The following GABPB2 variants were observed in gnomAD, a reference collection of about 807,000 sequenced individuals.
The protein encoded by GABPB2 is GA-binding protein subunit beta-2.
In GABPB2, 23 loss-of-function variants were observed where a neutral mutation model predicts 39.1. The observed-to-expected ratio is 0.59, with a 90% CI of 0.42 to 0.83. The LOEUF is 0.83. Ranked by LOEUF, GABPB2 falls within the 40% of genes least tolerant of loss-of-function variation. GABPB2 has a pLI of 0.00. For synonymous variants in GABPB2, 184 were observed against 199.3 expected (o/e 0.92, Z 0.65); for missense variants, 467 against 541.1 (o/e 0.86, Z 1.36).
At chr1:151,083,698 G>T (rs1677916318) in intron 1 of GABPB2, among the ~76,000 whole-genome samples, 1 of 150,252 alleles carries the variant, frequency 6.7e-6, no homozygotes, top group African/African-American at 2.4e-5. Context: ...TGTTCTCCTT[G>T]AAGTGGCAGC....
chr1:151,081,483 C>A (rs1169782234), intron 1 of GABPB2, among the ~76,000 whole-genome samples: 2 of 151,896 alleles, frequency 1.3e-5, no homozygotes, highest in Admixed American at 1.3e-4. Flanking sequence ...AGCAGCGAAA[C>A]CCTGTCTCAA....
intron 1 of GABPB2, among the ~76,000 whole-genome samples, chr1:151,073,585 T>C (rs1249611581): frequency 6.6e-6 from 1 of 152,096 alleles, no homozygotes; most frequent in Non-Finnish European, 1.5e-5. Context: ...TTGTTTTTTG[T>C]TGTTTTGTTT....
chr1:151,118,329 C>G lies in GABPB2; in HGVS notation c.*73C>G. On this transcript the variant is annotated 3_prime_UTR_variant, in exon 9 of 9. Coordinates refer to ENST00000368918, the MANE Select transcript of GABPB2 (RefSeq NM_144618.3). Reference sequence around the variant, plus strand: ...AAAAAGGAAATATACAGAAGACAAACATTGTATAAAAACTAAGAGTGTCTT... The same window carrying G: ...AAAAAGGAAATATACAGAAGACAAAGATTGTATAAAAACTAAGAGTGTCTT... The G allele has an allele frequency of 1.5e-6, 2 of 1,372,078 alleles. No homozygotes were observed. Among genetic ancestry groups the G allele is most frequent in the Admixed American group, 4.5e-5 (2 of 43,974 alleles). 85.0% of individuals were successfully genotyped at this position (1,372,078 alleles called of 1,614,324 possible).
At chr1:151,113,039 G>A (rs765500529) in intron 7 of GABPB2, among the ~76,000 whole-genome samples, 9 of 151,508 alleles carry the variant, frequency 5.9e-5, no homozygotes, top group Non-Finnish European at 1.3e-4. Context: ...AGCCCCTAAA[G>A]TGTTGGGATT....
At chr1:151,085,844 C>G (rs923204729) in intron 1 of GABPB2, among the ~76,000 whole-genome samples, 1 of 152,082 alleles carries the variant, frequency 6.6e-6, no homozygotes, top group Non-Finnish European at 1.5e-5. Flanking sequence ...TATTTTATGT[C>G]GGATAGGCAC....
chr1:151,095,360 A>G (rs1679024441), intron 4 of GABPB2, among the ~76,000 whole-genome samples: 1 of 152,208 alleles, frequency 6.6e-6, no homozygotes, highest in Admixed American at 6.6e-5. Context: ...GGGATGCTTT[A>G]CAGCGTGTGA....
At chr1:151,093,511 T>C in intron 4 of GABPB2, 125 bp downstream of exon 4, 1 of 635,694 alleles carries the variant, frequency 1.6e-6, no homozygotes, top group Non-Finnish European at 2.6e-6. Context: ...TGTCTCAATC[T>C]TGTGACTCAG....
rs751173173 is a variant in GABPB2, at chr1:151,118,379, C to T, written c.*123C>T. The T allele has an allele frequency of 8.6e-6, 8 of 935,364 alleles. No individual in the cohort carries two copies. Among genetic ancestry groups the T allele is most frequent in the Non-Finnish European group, 1.2e-5 (8 of 640,628 alleles). 57.9% of individuals were successfully genotyped at this position (935,364 alleles called of 1,614,324 possible). ...TTAAGAAGAAAACTATAGCAGGGTA[C>T]AATGCTTGGGCTCAGGAAGTTTCTC... On this transcript the variant is annotated 3_prime_UTR_variant, in exon 9 of 9. Coordinates refer to ENST00000368918, the MANE Select transcript of GABPB2 (RefSeq NM_144618.3).
chr1:151,078,773 G>A (rs1325451716), intron 1 of GABPB2, among the ~76,000 whole-genome samples: 1 of 152,028 alleles, frequency 6.6e-6, no homozygotes, highest in East Asian at 2.0e-4. Context: ...CTGAGTAGCT[G>A]GGAGTACAGG....
chr1:151,106,812 A>T (rs587614261), intron 6 of GABPB2, among the ~76,000 whole-genome samples: 2 of 152,310 alleles, frequency 1.3e-5, no homozygotes, highest in South Asian at 4.1e-4. Flanking sequence ...AAAGTTATTA[A>T]TACCTCAGTG....
At chr1:151,117,269 C>T in intron 7 of GABPB2, 123 bp from the exon 8 acceptor site, 2 of 1,016,340 alleles carry the variant, frequency 2.0e-6, no homozygotes, top group Non-Finnish European at 2.9e-6. Context: ...GCTAGGACCA[C>T]AGGCACACAC....
intron 1 of GABPB2, among the ~76,000 whole-genome samples, chr1:151,074,541 G>C (rs1482507817): frequency 2.7e-5 from 4 of 147,276 alleles, no homozygotes; most frequent in Non-Finnish European, 6.0e-5. Flanking sequence ...GGATGGTCTC[G>C]ATCTCCTGAC....
rs1558169148 is a variant in GABPB2, at chr1:151,124,770, AC to A, written c.*6518del. On this transcript the variant is annotated 3_prime_UTR_variant, in exon 9 of 9. Coordinates refer to ENST00000368918, the MANE Select transcript of GABPB2 (RefSeq NM_144618.3). ...GTGGTGACTATATCTCAGAAGTACT[AC>A]CCCTTCTGAGTAGTACTATTATTTC... 6.6e-6 allele frequency: 1 copy of A among 151,678 alleles called. No individual in the cohort carries two copies. The highest frequency in any genetic ancestry group is 2.4e-5 in the African/African-American group (1 of 41,224). The allele number at this position is 151,678 out of a possible 1,614,324, so 9.4% of individuals were successfully genotyped here. A position where few individuals can be genotyped will look rare whatever the true frequency, so the allele number is the denominator to read the frequency against.
At chr1:151,084,073 TA>T (rs948030397) in intron 1 of GABPB2, among the ~76,000 whole-genome samples, 31 of 148,748 alleles carry the variant, frequency 2.1e-4, no homozygotes, top group Non-Finnish European at 3.0e-4. Flanking sequence ...AAAATATATA[TA>T]TTTTTTTAAT....
At chr1:151,076,757 C>T (rs1289534782) in intron 1 of GABPB2, among the ~76,000 whole-genome samples, 1 of 150,264 alleles carries the variant, frequency 6.7e-6, no homozygotes, top group Non-Finnish European at 1.5e-5. Flanking sequence ...AAAGGCAAAT[C>T]ATGGTAAAAT....
chr1:151,081,270 C>A (rs905688941), intron 1 of GABPB2, among the ~76,000 whole-genome samples: 1 of 151,264 alleles, frequency 6.6e-6, no homozygotes, highest in South Asian at 2.1e-4. Flanking sequence ...CAGCGGATCA[C>A]TTGAGTTCAG....
At chr1:151,077,481 T>C (rs1232900564) in intron 1 of GABPB2, among the ~76,000 whole-genome samples, 11 of 151,396 alleles carry the variant, frequency 7.3e-5, no homozygotes, top group African/African-American at 2.7e-4. Context: ...CTCAGCCTCC[T>C]GAGTAGCTGG....
At chr1:151,097,323 T>C (rs1237209832) in intron 4 of GABPB2, among the ~76,000 whole-genome samples, 2 of 152,144 alleles carry the variant, frequency 1.3e-5, no homozygotes, top group African/African-American at 4.8e-5. Flanking sequence ...GAACAAGCTT[T>C]GGAAAGCAAC....
chr1:151,080,195 A>G (rs1677535568), intron 1 of GABPB2, among the ~76,000 whole-genome samples: 1 of 148,418 alleles, frequency 6.7e-6, no homozygotes, highest in Admixed American at 6.9e-5. Flanking sequence ...AGCCTGGGCA[A>G]CAAGAGCCAA....
Sources: gnomAD v4.1 joint callset for allele counts (sites outside exome capture counted in the v4.1 genomes callset) on GRCh38, gnomAD v4.1.1 for gene constraint, MANE v1.5 for transcripts, NCBI Gene and HGNC (gene_info 2026-07-23, HGNC 2026-07-21) for gene names.